The following CFHR3 variants were observed in gnomAD, a reference collection of about 807,000 sequenced individuals.
CFHR3 encodes complement factor H-related protein 3.
A neutral mutation model predicts 36.0 loss-of-function variants in CFHR3; 22 were observed. The ratio of observed to expected loss-of-function variants is 0.61; its 90% CI spans 0.44 to 0.87. CFHR3 has a LOEUF of 0.87. Ranked by LOEUF, CFHR3 falls within the 40% of genes least tolerant of loss-of-function variation. The probability of loss-of-function intolerance (pLI) is 0.00; values close to 1 mark genes in which losing one functional copy is unlikely to be tolerated. For synonymous variants in CFHR3, 97 were observed against 137.4 expected (o/e 0.71, Z 2.06); for missense variants, 276 against 401.3 (o/e 0.69, Z 2.67).
chr1:196,789,303 GA>G lies in CFHR3; in HGVS notation c.614-736del, dbSNP rs764133221. 3.5e-5 allele frequency: 30 copies of G among 853,816 alleles called. 3 individuals are homozygous for G. The highest frequency in any genetic ancestry group is 4.2e-5 in the Non-Finnish European group (30 of 720,078). The allele number at this position is 853,816 out of a possible 1,614,324, so 52.9% of individuals were successfully genotyped here. ...CTCTCAAAAATATTAAGCTAAGAGA[GA>G]AAAAAGATACACTTACAAAGTGATT... is the stretch of plus-strand genomic sequence containing the variant. On this transcript the variant is annotated intron_variant, in intron 4 of 5. Coordinates refer to ENST00000367425, the MANE Select transcript of CFHR3 (RefSeq NM_021023.6).
chr1:196,795,301 C>G lies in CFHR3; in HGVS notation c.*1788C>G, dbSNP rs1428838545. On this transcript the variant is annotated 3_prime_UTR_variant, in exon 6 of 6. Coordinates refer to ENST00000367425, the MANE Select transcript of CFHR3 (RefSeq NM_021023.6). ...CCTGGACAAGTTCTCTTGCCTGCCA[C>G]CATGTAAGATGTACCTTTGCTACTC... 1 of 136,798 alleles carries G rather than the reference C, an allele frequency of 7.3e-6. No homozygotes were observed. Among genetic ancestry groups the G allele is most frequent in the Non-Finnish European group, 1.5e-5 (1 of 64,598 alleles). The allele number at this position is 136,798 out of a possible 1,614,324, so 8.5% of individuals were successfully genotyped here. A position where few individuals can be genotyped will look rare whatever the true frequency, so the allele number is the denominator to read the frequency against.
chr1:196,786,728 A>G (rs1015568938), intron 3 of CFHR3, among the ~76,000 whole-genome samples: 2 of 136,634 alleles, frequency 1.5e-5, no homozygotes, highest in African/African-American at 6.1e-5. Flanking sequence ...TTGACTAGGA[A>G]AGGGAACTCC....
In CFHR3 at chr1:196,786,476, T is replaced by A. The variant is rs1426416249; in HGVS notation, c.431-1740T>A. ...CTCCACCCAGTTCGAGCTTCCTGGCTGCTTTGTTTACCTAAGCAAGCCTGG... is the reference window on the plus strand; with the variant it reads ...CTCCACCCAGTTCGAGCTTCCTGGCAGCTTTGTTTACCTAAGCAAGCCTGG... On this transcript the variant is annotated intron_variant, in intron 3 of 5. Coordinates refer to ENST00000367425, the MANE Select transcript of CFHR3 (RefSeq NM_021023.6). 1.5e-5 allele frequency among the ~76,000 whole-genome samples: 2 copies of A among 135,910 alleles called. 1 individual carries two copies. Among genetic ancestry groups the A allele is most frequent in the Non-Finnish European group, 3.1e-5 (2 of 64,326 alleles). 89.2% of individuals were successfully genotyped at this position (135,910 alleles called of 152,430 possible). A position where few individuals can be genotyped will look rare whatever the true frequency, so the allele number is the denominator to read the frequency against.
At chr1:196,786,245 G>C (rs1438492043) in intron 3 of CFHR3, among the ~76,000 whole-genome samples, 1 of 136,172 alleles carries the variant, frequency 7.3e-6, no homozygotes, top group Non-Finnish European at 1.6e-5. Context: ...GCTGCTCGGG[G>C]GTTGGGGTCA....
In CFHR3 at chr1:196,788,804, G is replaced by T. The variant is rs1325231597; in HGVS notation, c.613+406G>T. 4 of 1,457,420 alleles carry T rather than the reference G, an allele frequency of 2.7e-6. No individual in the cohort carries two copies. In the East Asian group the frequency reaches 7.4e-5, roughly 27 times the overall value. The allele number at this position is 1,457,420 out of a possible 1,614,324, so 90.3% of individuals were successfully genotyped here. A position where few individuals can be genotyped will look rare whatever the true frequency, so the allele number is the denominator to read the frequency against. On this transcript the variant is annotated intron_variant, in intron 4 of 5. Coordinates refer to ENST00000367425, the MANE Select transcript of CFHR3 (RefSeq NM_021023.6). Reference sequence around the variant, plus strand: ...AAGTTGTACATGTCGGGGGAGAAATGAGTGCTTAATTCTGAATTTCTGCTA... The same window carrying T: ...AAGTTGTACATGTCGGGGGAGAAATTAGTGCTTAATTCTGAATTTCTGCTA...
rs531222813 is a variant in CFHR3, at chr1:196,786,207, C to T, written c.431-2009C>T. Among the ~76,000 whole-genome samples the T allele has an allele frequency of 3.7e-5, 5 of 136,202 alleles. No homozygotes were observed. The East Asian group carries it at 9.8e-4, about 27-fold the overall frequency. The allele number at this position is 136,202 out of a possible 152,430, so 89.4% of individuals were successfully genotyped here. A position where few individuals can be genotyped will look rare whatever the true frequency, so the allele number is the denominator to read the frequency against. ...CCCGGCCGTGTGAGGTGTCAGTCTG[C>T]CCCTACTGGGTGGTGCCTCCCAGTT... On this transcript the variant is annotated intron_variant, in intron 3 of 5. Transcript: ENST00000367425.
rs1297201640 is a variant in CFHR3, at chr1:196,784,833, T to C, written c.431-3383T>C. 7.4e-5 allele frequency among the ~76,000 whole-genome samples: 10 copies of C among 135,938 alleles called. 2 individuals are homozygous for C. The highest frequency in any genetic ancestry group is 2.8e-4 in the African/African-American group (9 of 32,184). The allele number at this position is 135,938 out of a possible 152,430, so 89.2% of individuals were successfully genotyped here. A position where few individuals can be genotyped will look rare whatever the true frequency, so the allele number is the denominator to read the frequency against. On this transcript the variant is annotated intron_variant, in intron 3 of 5. Transcript: ENST00000367425. ...AAGTTAATATTGTTAAATGTGAATTTGATCCTGTCATTATGATGTTAGCTG... is the reference window on the plus strand; with the variant it reads ...AAGTTAATATTGTTAAATGTGAATTCGATCCTGTCATTATGATGTTAGCTG...
rs1654269120 is a variant in CFHR3 at position 196,787,830 on chromosome 1, A to G, written c.431-386A>G. Among the ~76,000 whole-genome samples the G allele has an allele frequency of 2.2e-5, 3 of 136,854 alleles. 1 individual carries two copies. Among genetic ancestry groups the G allele is most frequent in the Admixed American group, 1.4e-4 (2 of 14,222 alleles). The allele number at this position is 136,854 out of a possible 152,430, so 89.8% of individuals were successfully genotyped here. A position where few individuals can be genotyped will look rare whatever the true frequency, so the allele number is the denominator to read the frequency against. ...GGTGTACCGTATCTTTGCCTGGGAA[A>G]TGGCATTTGACTTAATGAGGTTTAA... On this transcript the variant is annotated intron_variant, in intron 3 of 5. Transcript: ENST00000367425.
intron 3 of CFHR3, among the ~76,000 whole-genome samples, chr1:196,786,516 C>T (rs902892027): frequency 2.2e-5 from 3 of 134,684 alleles, no homozygotes; most frequent in Admixed American, 2.1e-4. Context: ...TGGCAGGCCC[C>T]CCTCCCCCAG....
chr1:196,776,703 T>C (rs1653735661), intron 1 of CFHR3, among the ~76,000 whole-genome samples: 1 of 136,852 alleles, frequency 7.3e-6, no homozygotes, highest in Non-Finnish European at 1.6e-5. Flanking sequence ...TCCAGAACTG[T>C]GAGAAAATAA....
intron 3 of CFHR3, among the ~76,000 whole-genome samples, chr1:196,787,590 A>C (rs1234495982): frequency 7.3e-6 from 1 of 137,218 alleles, no homozygotes; most frequent in East Asian, 2.0e-4. Context: ...AATGTATAGA[A>C]CACATACATT....
intron 3 of CFHR3, among the ~76,000 whole-genome samples, chr1:196,780,869 T>C (rs1653919890): frequency 7.5e-6 from 1 of 133,014 alleles, no homozygotes; most frequent in Non-Finnish European, 1.6e-5. Context: ...GTTACATATG[T>C]ATACATGTGC....
chr1:196,786,577 A>C (rs980234286), intron 3 of CFHR3, among the ~76,000 whole-genome samples: 5 of 135,614 alleles, frequency 3.7e-5, no homozygotes, highest in Admixed American at 7.1e-5. Context: ...TAGCAATCAG[A>C]GAGACTCCGT....
At position 196,778,610 on chromosome 1, in the gene CFHR3, A is replaced by C. The variant is rs182316837; in HGVS notation, c.59-552A>C. On this transcript the variant is annotated intron_variant, in intron 1 of 5. Transcript: ENST00000367425. ...ATATCTCATCCGATACATGAATTCT[A>C]ACTATGGTAAGAATGCATGCCATCG... is the stretch of plus-strand genomic sequence containing the variant. Among the ~76,000 whole-genome samples the C allele has an allele frequency of 1.3e-3, 171 of 136,554 alleles. 7 individuals are homozygous for C. The East Asian group carries it at 0.029, about 23-fold the overall frequency. 89.6% of individuals were successfully genotyped at this position (136,554 alleles called of 152,430 possible). A position where few individuals can be genotyped will look rare whatever the true frequency, so the allele number is the denominator to read the frequency against.
chr1:196,789,297 A>G, intron 4 of CFHR3: 1 of 840,412 alleles, frequency 1.2e-6, no homozygotes, highest in Non-Finnish European at 1.4e-6. Flanking sequence ...ATATTAAGCT[A>G]AGAGAGAAAA....
chr1:196,784,036 A>T (rs1319701496), intron 3 of CFHR3, among the ~76,000 whole-genome samples: 2 of 136,080 alleles, frequency 1.5e-5, no homozygotes, highest in Admixed American at 7.1e-5. Flanking sequence ...GAACATCTTT[A>T]TTTCTGCCTT....
chr1:196,779,044 A>G lies in CFHR3; in HGVS notation c.59-118A>G. On this transcript the variant is annotated intron_variant, in intron 1 of 5. Transcript: ENST00000367425. Reference sequence around the variant, plus strand: ...AGAGGTCAGGATCAGGAAACTAGTTATGGTTGCTGTAATTCCACAAGAAAA... The same window carrying G: ...AGAGGTCAGGATCAGGAAACTAGTTGTGGTTGCTGTAATTCCACAAGAAAA... 2.5e-6 allele frequency: 2 copies of G among 811,004 alleles called. 1 individual carries two copies. The highest frequency in any genetic ancestry group is 4.4e-5 in the Admixed American group (2 of 45,708). The allele number at this position is 811,004 out of a possible 1,614,324, so 50.2% of individuals were successfully genotyped here. A position where few individuals can be genotyped will look rare whatever the true frequency, so the allele number is the denominator to read the frequency against.
intron 3 of CFHR3, among the ~76,000 whole-genome samples, chr1:196,780,610 T>G (rs1205651469): frequency 7.3e-6 from 1 of 136,232 alleles, no homozygotes; most frequent in Non-Finnish European, 1.6e-5. Context: ...TTTGGGAGTT[T>G]TGGTTGTTAT....
chr1:196,788,417 C>G lies in CFHR3; in HGVS notation c.613+19C>G. On this transcript the variant is annotated intron_variant, in intron 4 of 5. Transcript: ENST00000367425. ...TGCATTAGTAAGTGATTTACATATTCCCATTCAGTTTCTGTCAACTTCGTT... is the reference window on the plus strand; with the variant it reads ...TGCATTAGTAAGTGATTTACATATTGCCATTCAGTTTCTGTCAACTTCGTT... 5 of 1,522,956 alleles carry G rather than the reference C, an allele frequency of 3.3e-6. No homozygotes were observed. The highest frequency in any genetic ancestry group is 4.4e-6 in the Non-Finnish European group (5 of 1,129,446). 94.3% of individuals were successfully genotyped at this position (1,522,956 alleles called of 1,614,324 possible). A position where few individuals can be genotyped will look rare whatever the true frequency, so the allele number is the denominator to read the frequency against.
Sources: gnomAD v4.1 joint callset for allele counts (sites outside exome capture counted in the v4.1 genomes callset) on GRCh38, gnomAD v4.1.1 for gene constraint, MANE v1.5 for transcripts, NCBI Gene and HGNC (gene_info 2026-07-23, HGNC 2026-07-21) for gene names.